PLCB4: variants seen among roughly 807,000 people sequenced by gnomAD.
PLCB4 encodes phospholipase C beta 4, also known as 1-phosphatidylinositol 4,5-bisphosphate phosphodiesterase beta-4.
A neutral mutation model predicts 178.8 loss-of-function variants in PLCB4; 77 were observed. That is an observed-to-expected ratio of 0.43 (90% CI 0.36 to 0.52). PLCB4 has a LOEUF of 0.52. PLCB4 is among the 20% of genes least tolerant of loss of function. PLCB4 has a pLI of 0.00. For synonymous variants in PLCB4, 496 were observed against 490.8 expected, an observed-to-expected ratio of 1.01 and a Z score of -0.14; for missense variants, 1,024 against 1,453.4, an observed-to-expected ratio of 0.70 and a Z score of 4.80.
At chr20:9,148,192 C>T (rs1298151706) in intron 2 of PLCB4, among the ~76,000 whole-genome samples, 1 of 152,084 alleles carries the variant, frequency 6.6e-6, no homozygotes, top group Non-Finnish European at 1.5e-5. Flanking sequence ...AATTGGGCTC[C>T]TTCAATCCAA....
rs1472871729 is a variant in PLCB4 at position 9,246,081 on chromosome 20, T to A, written c.-16+28629T>A. Among the ~76,000 whole-genome samples the A allele has an allele frequency of 2.0e-5, 3 of 152,208 alleles. No homozygotes were observed. The East Asian group carries it at 5.8e-4, about 29-fold the overall frequency. On this transcript the variant is annotated intron_variant, in intron 3 of 39. Transcript: ENST00000378473. ...TACCATAAACTTAGATAATTTTATA[T>A]AGCTCTTTTTCACTTAATATGACAA... is the stretch of plus-strand genomic sequence containing the variant.
intron 3 of PLCB4, among the ~76,000 whole-genome samples, chr20:9,235,765 C>T (rs74983667): frequency 0.098 from 14,876 of 152,226 alleles, 1,880 homozygotes; most frequent in African/African-American, 0.29. Context: ...TGAACCAACT[C>T]TTATTGAAGA....
At chr20:9,286,302 C>T (rs1942870969) in intron 3 of PLCB4, among the ~76,000 whole-genome samples, 1 of 152,060 alleles carries the variant, frequency 6.6e-6, no homozygotes, top group Non-Finnish European at 1.5e-5. Context: ...TATATCTCCA[C>T]CCATAAACCT....
rs1322198104 is a variant in PLCB4, at chr20:9,189,372, G to T, written c.-78-28018G>T. ...ATTCTGGGTTGGTTAACTGTTCATT[G>T]TGGAGGGCTGTCATATAGTGACATT... On this transcript the variant is annotated intron_variant, in intron 2 of 39. Coordinates refer to ENST00000378473, the MANE Select transcript of PLCB4 (RefSeq NM_001377142.1). Among the ~76,000 whole-genome samples, 2 of 81,964 alleles carry T rather than the reference G, an allele frequency of 2.4e-5. 1 individual carries two copies. Among genetic ancestry groups the T allele is most frequent in the Admixed American group, 2.2e-4 (2 of 9,158 alleles). 53.8% of individuals were successfully genotyped at this position (81,964 alleles called of 152,430 possible). A position where few individuals can be genotyped will look rare whatever the true frequency, so the allele number is the denominator to read the frequency against.
chr20:9,437,378 A>G (rs1055042603), intron 30 of PLCB4, among the ~76,000 whole-genome samples: 1 of 152,206 alleles, frequency 6.6e-6, no homozygotes, highest in Admixed American at 6.5e-5. Flanking sequence ...CCTATTGGAC[A>G]TTTCTAAATT....
rs1225752471 is a variant in PLCB4, at chr20:9,443,473, T to C, written c.2765-508T>C. 2.0e-5 allele frequency among the ~76,000 whole-genome samples: 3 copies of C among 152,330 alleles called. 1 individual carries two copies. The highest frequency in any genetic ancestry group is 6.8e-3 in the Middle Eastern group (2 of 294). On this transcript the variant is annotated intron_variant, in intron 30 of 39. Coordinates refer to ENST00000378473, the MANE Select transcript of PLCB4 (RefSeq NM_001377142.1). ...ATTTCAGCTGCCCTTCTCCATAGAA[T>C]TGCCCTGGGACCATGAGAGTTCCCT... is the stretch of plus-strand genomic sequence containing the variant.
chr20:9,444,598 C>T (rs1420420932), intron 32 of PLCB4, among the ~76,000 whole-genome samples: 2 of 152,056 alleles, frequency 1.3e-5, no homozygotes, highest in African/African-American at 4.8e-5. Context: ...CCTGTCTCTA[C>T]TAAAAATACA....
intron 3 of PLCB4, among the ~76,000 whole-genome samples, chr20:9,289,146 A>G (rs2094559389): frequency 6.6e-6 from 1 of 152,156 alleles, no homozygotes; most frequent in South Asian, 2.1e-4. Flanking sequence ...ATGGCAGAAT[A>G]GAAATAAAAA....
intron 24 of PLCB4, 151 bp from the exon 25 acceptor site, chr20:9,410,886 T>C (rs1055850112): frequency 4.1e-5 from 24 of 587,822 alleles, no homozygotes; most frequent in African/African-American, 3.4e-4. Flanking sequence ...TGGAAGAGAG[T>C]ATGCCTTAAA....
intron 2 of PLCB4, among the ~76,000 whole-genome samples, chr20:9,156,847 C>T (rs139203626): frequency 3.4e-5 from 3 of 88,990 alleles, no homozygotes; most frequent in Non-Finnish European, 4.6e-5. Context: ...CTCCCTCCCT[C>T]CCTCCCTTCC....
chr20:9,271,886 G>T (rs1361876274), intron 3 of PLCB4, among the ~76,000 whole-genome samples: 2 of 151,870 alleles, frequency 1.3e-5, no homozygotes, highest in Non-Finnish European at 2.9e-5. Flanking sequence ...GATTAAGAAG[G>T]CATCATGGGG....
intron 32 of PLCB4, among the ~76,000 whole-genome samples, chr20:9,449,788 C>T (rs965088393): frequency 9.2e-5 from 14 of 152,184 alleles, no homozygotes; most frequent in African/African-American, 3.4e-4. Context: ...ATTTAGCCGA[C>T]AGCACCAAGA....
chr20:9,366,780 TG>T (rs773330640), intron 9 of PLCB4, among the ~76,000 whole-genome samples: 7 of 152,240 alleles, frequency 4.6e-5, no homozygotes, highest in South Asian at 4.1e-4. Context: ...GAATCAAACA[TG>T]GGTTCCCCAG....
At position 9,152,877 on chromosome 20, in the gene PLCB4, C is replaced by T. The variant is rs754533986; in HGVS notation, c.-79+56535C>T. On this transcript the variant is annotated intron_variant, in intron 2 of 39. Coordinates refer to ENST00000378473, the MANE Select transcript of PLCB4 (RefSeq NM_001377142.1). ...GGAGGGAGGCTGTACCCTGCAAAGC[C>T]GTAGGGGTGGAGCTGCCCAAGACCA... is the stretch of plus-strand genomic sequence containing the variant. 1.8e-4 allele frequency among the ~76,000 whole-genome samples: 28 copies of T among 152,186 alleles called. 1 individual carries two copies. Among genetic ancestry groups the T allele is most frequent in the East Asian group, 3.9e-4 (2 of 5,146 alleles).
intron 5 of PLCB4, among the ~76,000 whole-genome samples, chr20:9,337,581 C>T (rs1304530747): frequency 1.3e-5 from 2 of 152,094 alleles, no homozygotes; most frequent in Non-Finnish European, 2.9e-5. Flanking sequence ...TCATTATACC[C>T]TGGGACTTAA....
intron 35 of PLCB4, among the ~76,000 whole-genome samples, chr20:9,463,925 A>C (rs1467415797): frequency 6.6e-6 from 1 of 152,166 alleles, no homozygotes; most frequent in Non-Finnish European, 1.5e-5. Context: ...TTCACCAAGC[A>C]GACCTAATAG....
intron 2 of PLCB4, among the ~76,000 whole-genome samples, chr20:9,184,047 G>A (rs1332180805): frequency 1.3e-5 from 2 of 152,164 alleles, no homozygotes; most frequent in Non-Finnish European, 2.9e-5. Context: ...GCAAAAAGAG[G>A]CAAAATTAAT....
chr20:9,095,393 T>C (rs1016198938), intron 1 of PLCB4, among the ~76,000 whole-genome samples: 2 of 152,132 alleles, frequency 1.3e-5, no homozygotes, highest in African/African-American at 2.4e-5. Flanking sequence ...ATTATCCCCA[T>C]TGGAAGTTAA....
chr20:9,421,567 T>A, intron 27 of PLCB4, 106 bp downstream of exon 27: 1 of 837,860 alleles, frequency 1.2e-6, no homozygotes, highest in Non-Finnish European at 1.9e-6. Flanking sequence ...GACAACATCT[T>A]CTTTTTCTCT....
Sources: allele counts gnomAD v4.1 joint callset (sites outside exome capture counted in the v4.1 genomes callset), GRCh38; gene constraint gnomAD v4.1.1; transcripts MANE v1.5; gene names NCBI Gene and HGNC (gene_info 2026-07-23, HGNC 2026-07-21).